Variants in CDKL5 observed in about 807,000 individuals in gnomAD.
CDKL5 encodes cyclin-dependent kinase-like 5.
A neutral mutation model predicts 61.7 loss-of-function variants in CDKL5; 8 were observed. The ratio of observed to expected loss-of-function variants is 0.13; its 90% CI spans 0.08 to 0.23. The LOEUF (loss-of-function observed/expected upper bound fraction) is 0.23. CDKL5 is among the 10% of genes least tolerant of loss of function. CDKL5 has a pLI of 1.00. For synonymous variants in CDKL5, 275 were observed against 272.3 expected (o/e 1.01, Z -0.10); for missense variants, 440 against 734.5 (o/e 0.60, Z 4.63).
chrX:18,456,091 C>T (rs922604145), intron 1 of CDKL5, among the ~76,000 whole-genome samples: 4 of 107,924 alleles, frequency 3.7e-5, no homozygotes, highest in Non-Finnish European at 5.8e-5. Context: ...TCTTGTCACC[C>T]AGGCTGGAGT....
At chrX:18,567,430 A>G (rs865908902) in intron 4 of CDKL5, among the ~76,000 whole-genome samples, 4 of 112,193 alleles carry the variant, frequency 3.6e-5, no homozygotes, top group Non-Finnish European at 7.5e-5. Flanking sequence ...TAAAAGTCTT[A>G]GTGAAGATAA....
chrX:18,525,708 A>G (rs1360613386), intron 3 of CDKL5, among the ~76,000 whole-genome samples: 1 of 108,287 alleles, frequency 9.2e-6, no homozygotes, highest in African/African-American at 3.4e-5. Context: ...TCTGCAGATC[A>G]AGTTGAGAAG....
At chrX:18,649,618 T>C (rs757676789) in intron 20 of CDKL5, among the ~76,000 whole-genome samples, 1 of 111,226 alleles carries the variant, frequency 9.0e-6, no homozygotes, top group African/African-American at 3.3e-5. Context: ...GGCACAGAAT[T>C]TGTAGTTTAT....
intron 1 of CDKL5, among the ~76,000 whole-genome samples, chrX:18,479,987 T>G (rs1412115412): frequency 8.9e-6 from 1 of 112,246 alleles, no homozygotes; most frequent in Admixed American, 9.5e-5. Flanking sequence ...CCACATGTAG[T>G]TTTCCCTATT....
intron 1 of CDKL5, among the ~76,000 whole-genome samples, chrX:18,440,958 C>A (rs895431379): frequency 9.0e-6 from 1 of 111,195 alleles, no homozygotes; most frequent in African/African-American, 3.3e-5. Flanking sequence ...TCCGAAAGAA[C>A]CATCTTAATA....
chrX:18,529,531 A>C (rs1478283873), intron 3 of CDKL5, among the ~76,000 whole-genome samples: 3 of 111,085 alleles, frequency 2.7e-5, no homozygotes, highest in Non-Finnish European at 5.7e-5. Flanking sequence ...TAACTTTTTA[A>C]AGCATTTTTA....
At position 18,650,502 on chromosome X, in the gene CDKL5, T is replaced by C. The variant is rs781435432; in HGVS notation, c.2890T>C (p.Tyr964His). ...TCGTCCAATCTCCAGTCCTGCTCCC[T>C]ATCCAGTACTCCAGGTCCGAGGCAC... The change falls in exon 21 of 22, where the codon TAT (tyrosine) becomes CAT (histidine). Residue 964 changes from tyrosine (Y) to histidine (H), a missense_variant. Coordinates refer to the CDKL5 transcript ENST00000379989. The C allele has an allele frequency of 3.3e-6, 4 of 1,210,420 alleles. No homozygotes were observed. The Admixed American group carries it at 8.7e-5, about 26-fold the overall frequency.
chrX:18,505,486 A>G (rs1181232281), intron 1 of CDKL5, among the ~76,000 whole-genome samples: 1 of 112,619 alleles, frequency 8.9e-6, no homozygotes, highest in East Asian at 2.8e-4. Context: ...TCATTGTCAT[A>G]TCTCTTAATC....
chrX:18,621,441 C>T lies in CDKL5; in HGVS notation c.2376+1475C>T, dbSNP rs144988329. Among the ~76,000 whole-genome samples the T allele has an allele frequency of 6.7e-3, 741 of 111,324 alleles. 8 individuals are homozygous for T. The highest frequency in any genetic ancestry group is 0.023 in the African/African-American group (692 of 30,712). On this transcript the variant is annotated intron_variant, in intron 16 of 17. Transcript: ENST00000623535. Reference sequence around the variant, plus strand: ...GAAAATTTGAGAAAAAGAAAAAGATCGTTTTAAATCTTAATACCCTACCAC... The same window carrying T: ...GAAAATTTGAGAAAAAGAAAAAGATTGTTTTAAATCTTAATACCCTACCAC...
At chrX:18,606,211 A>ACACACACAG (rs1926362733) in intron 12 of CDKL5, among the ~76,000 whole-genome samples, 1 of 100,874 alleles carries the variant, frequency 9.9e-6, no homozygotes, top group African/African-American at 3.9e-5. Flanking sequence ...CACACACACA[A>ACACACACAG]ACACACAATG....
At chrX:18,584,517 A>T (rs886393863) in intron 8 of CDKL5, among the ~76,000 whole-genome samples, 164 bp downstream of exon 8, 6 of 112,130 alleles carry the variant, frequency 5.4e-5, no homozygotes, top group Non-Finnish European at 1.1e-4. Flanking sequence ...TGAAACAAGC[A>T]CCTTTTTGTT....
intron 3 of CDKL5, among the ~76,000 whole-genome samples, chrX:18,514,176 A>G (rs1922926244): frequency 9.0e-6 from 1 of 111,454 alleles, no homozygotes; most frequent in Admixed American, 9.6e-5. Context: ...ATAGAATATG[A>G]TGTTGGGCTG....
intron 3 of CDKL5, among the ~76,000 whole-genome samples, chrX:18,526,860 C>T (rs1254510461): frequency 7.3e-5 from 8 of 109,327 alleles, no homozygotes; most frequent in African/African-American, 2.7e-4. Flanking sequence ...CTCAGCTCAC[C>T]GCAACCTCCG....
chrX:18,471,664 G>A (rs1311736967), intron 1 of CDKL5, among the ~76,000 whole-genome samples: 1 of 112,048 alleles, frequency 8.9e-6, no homozygotes, highest in Non-Finnish European at 1.9e-5. Flanking sequence ...GGGATTACAG[G>A]TATGATCCAC....
At chrX:18,438,355 T>C (rs1028597900) in intron 1 of CDKL5, among the ~76,000 whole-genome samples, 2 of 109,686 alleles carry the variant, frequency 1.8e-5, no homozygotes, top group Middle Eastern at 4.7e-3. Context: ...TGAGCCACCA[T>C]GCCTGGCCTG....
intron 3 of CDKL5, among the ~76,000 whole-genome samples, chrX:18,533,239 G>T (rs865899694): frequency 2.4e-4 from 27 of 111,756 alleles, no homozygotes; most frequent in African/African-American, 8.1e-4. Context: ...TGTGTAGCAT[G>T]CTGTGAATTA....
intron 14 of CDKL5, among the ~76,000 whole-genome samples, chrX:18,612,870 G>A (rs760565621): frequency 9.1e-6 from 1 of 110,011 alleles, no homozygotes; most frequent in South Asian, 3.9e-4. Flanking sequence ...ATTTTTATAT[G>A]TTTGTTTGTT....
intron 1 of CDKL5, among the ~76,000 whole-genome samples, chrX:18,482,137 A>G (rs775388216): frequency 9.0e-6 from 1 of 111,318 alleles, no homozygotes; most frequent in South Asian, 3.8e-4. Flanking sequence ...CAGACTGTAA[A>G]TAGTTTCTTC....
At chrX:18,440,037 T>C (rs1409807005) in intron 1 of CDKL5, among the ~76,000 whole-genome samples, 1 of 111,071 alleles carries the variant, frequency 9.0e-6, no homozygotes, top group South Asian at 3.8e-4. Flanking sequence ...GGTGACTGAC[T>C]GATCAGGATG....
Sources: allele counts gnomAD v4.1 joint callset (sites outside exome capture counted in the v4.1 genomes callset), GRCh38; gene constraint gnomAD v4.1.1; transcripts MANE v1.5; gene names NCBI Gene and HGNC (gene_info 2026-07-23, HGNC 2026-07-21).